The following PGCKA1 variants were observed in gnomAD, a reference collection of about 807,000 sequenced individuals.
PGCKA1 encodes the protein PDCD10 and GCKIII kinases associated 1, also known as PDCD10 and GCKIII kinases-associated protein 1.
At chr4:37,500,733 A>G in the PGCKA1 span, among the ~76,000 whole-genome samples, 2 of 152,180 alleles carry the variant, frequency 1.3e-5, no homozygotes, top group Non-Finnish European at 2.9e-5. Flanking sequence ...GAAGTCTCCC[A>G]GTATTATTGT....
At chr4:37,524,206 A>G in the PGCKA1 span, among the ~76,000 whole-genome samples, 1 of 152,248 alleles carries the variant, frequency 6.6e-6, no homozygotes, top group Non-Finnish European at 1.5e-5. Context: ...TTGCTGTATA[A>G]TCTGTATAAG....
At chr4:37,459,121 T>G in the PGCKA1 span, among the ~76,000 whole-genome samples, 1 of 152,170 alleles carries the variant, frequency 6.6e-6, no homozygotes, top group East Asian at 1.9e-4. Context: ...TTACTAAGTA[T>G]TATACGGCTC....
chr4:37,579,053 G>A, the PGCKA1 span, among the ~76,000 whole-genome samples: 16 of 152,100 alleles, frequency 1.1e-4, no homozygotes, highest in South Asian at 1.7e-3. Flanking sequence ...GCAAAACTCC[G>A]TCTCAAAACA....
chr4:37,509,468 T>C, the PGCKA1 span, among the ~76,000 whole-genome samples: 1 of 139,688 alleles, frequency 7.2e-6, no homozygotes, highest in African/African-American at 2.8e-5. Flanking sequence ...CGCTCCTCAC[T>C]TCCTAGACGG....
the PGCKA1 span, among the ~76,000 whole-genome samples, chr4:37,578,732 T>C: frequency 2.6e-5 from 4 of 152,144 alleles, no homozygotes. Flanking sequence ...TTTTTTTAAT[T>C]TGAAGTTGCC....
the PGCKA1 span, among the ~76,000 whole-genome samples, chr4:37,567,983 CTA>C: frequency 6.6e-6 from 1 of 151,222 alleles, no homozygotes; most frequent in South Asian, 2.1e-4. Flanking sequence ...GACATCATCA[CTA>C]TGTTGTAATA....
chr4:37,590,608 G>A, the PGCKA1 span: 8 of 1,614,016 alleles, frequency 5.0e-6, no homozygotes, highest in Admixed American at 1.7e-5. Context: ...CCAGATACCA[G>A]CCCCAGATTA....
the PGCKA1 span, among the ~76,000 whole-genome samples, chr4:37,542,642 A>G: frequency 1.3e-5 from 2 of 152,208 alleles, no homozygotes. Flanking sequence ...CACTTGAAGT[A>G]TGGCTCATTA....
chr4:37,546,586 C>G, the PGCKA1 span, among the ~76,000 whole-genome samples: 1 of 152,242 alleles, frequency 6.6e-6, no homozygotes, highest in African/African-American at 2.4e-5. Context: ...AAGACAGTAG[C>G]TTGCTGATGC....
chr4:37,491,992 C>T, the PGCKA1 span, among the ~76,000 whole-genome samples: 1 of 151,554 alleles, frequency 6.6e-6, no homozygotes, highest in South Asian at 2.1e-4. Flanking sequence ...TTTCTTGCTT[C>T]ATTAAGCAAA....
the PGCKA1 span, among the ~76,000 whole-genome samples, chr4:37,508,681 A>ATTTTTTTTTTTTTTTTTTTTTTTTTT: frequency 4.4e-5 from 2 of 45,466 alleles, no homozygotes; most frequent in South Asian, 8.8e-4. Context: ...TTTTTGCTGA[A>ATTTTTTTTTTTTTTTTTTTTTTTTTT]TCTTTTTTTT....
chr4:37,484,977 A>G, the PGCKA1 span, among the ~76,000 whole-genome samples: 4 of 152,256 alleles, frequency 2.6e-5, no homozygotes, highest in East Asian at 1.9e-4. Context: ...TGGATGTGTT[A>G]TATCCACAAC....
chr4:37,551,287 C>CA, the PGCKA1 span, among the ~76,000 whole-genome samples: 49,038 of 152,080 alleles, frequency 0.32, 8,353 homozygotes, highest in Middle Eastern at 0.4. Flanking sequence ...ATGCTTCCCA[C>CA]AAAAAACGAA....
At chr4:37,463,165 A>G in the PGCKA1 span, among the ~76,000 whole-genome samples, 1 of 151,848 alleles carries the variant, frequency 6.6e-6, no homozygotes, top group Non-Finnish European at 1.5e-5. Flanking sequence ...GTGCTTTTTC[A>G]CTCAACCACT....
At chr4:37,483,332 G>A in the PGCKA1 span, among the ~76,000 whole-genome samples, 2 of 152,080 alleles carry the variant, frequency 1.3e-5, no homozygotes, top group African/African-American at 2.4e-5. Flanking sequence ...TATTAGCAGC[G>A]TGACAATGGA....
the PGCKA1 span, among the ~76,000 whole-genome samples, chr4:37,530,520 G>T: frequency 1.4e-5 from 2 of 144,116 alleles, no homozygotes; most frequent in African/African-American, 5.2e-5. Flanking sequence ...GTTGCAGTGA[G>T]CTGAGATCAT....
chr4:37,479,386 T>A, the PGCKA1 span, among the ~76,000 whole-genome samples: 1 of 152,162 alleles, frequency 6.6e-6, no homozygotes, highest in Non-Finnish European at 1.5e-5. Flanking sequence ...TTTGTAAAAT[T>A]TTTTCACATT....
the PGCKA1 span, among the ~76,000 whole-genome samples, chr4:37,482,642 G>A: frequency 8.5e-5 from 13 of 152,194 alleles, no homozygotes; most frequent in Non-Finnish European, 1.8e-4. Flanking sequence ...ATAATAAGGA[G>A]CCAAATGTTA....
the PGCKA1 span, among the ~76,000 whole-genome samples, chr4:37,583,298 C>T: frequency 0.18 from 27,652 of 152,120 alleles, 2,949 homozygotes; most frequent in Non-Finnish European, 0.26. Flanking sequence ...AATTTCTCTG[C>T]CTGGCTGGAG....
Sources: allele counts gnomAD v4.1 joint callset (sites outside exome capture counted in the v4.1 genomes callset), GRCh38; gene constraint gnomAD v4.1.1; transcripts MANE v1.5; gene names NCBI Gene and HGNC (gene_info 2026-07-23, HGNC 2026-07-21).